ZFAT: variants seen among roughly 807,000 people sequenced by gnomAD.
ZFAT encodes the protein zinc finger protein ZFAT.
ZFAT carries 64 observed loss-of-function variants against 117.7 expected under a neutral mutation model. The observed-to-expected ratio is 0.54, with a 90% CI of 0.44 to 0.67. The LOEUF (loss-of-function observed/expected upper bound fraction) is 0.67. Ranked by LOEUF, ZFAT falls within the 30% of genes least tolerant of loss-of-function variation. The probability of loss-of-function intolerance (pLI) is 0.00; values close to 1 mark genes in which losing one functional copy is unlikely to be tolerated. For synonymous variants in ZFAT, 679 were observed against 615.0 expected, an observed-to-expected ratio of 1.10 and a Z score of -1.54; for missense variants, 1,433 against 1,584.5, an observed-to-expected ratio of 0.90 and a Z score of 1.62.
At chr8:134,691,313 T>C (rs972240481) in intron 1 of ZFAT, among the ~76,000 whole-genome samples, 9 of 148,974 alleles carry the variant, frequency 6.0e-5, no homozygotes, top group Non-Finnish European at 1.3e-4. Flanking sequence ...CCTGCAGGCC[T>C]GGCATCCTGG....
At chr8:134,808,274 T>G in the ZFAT span, among the ~76,000 whole-genome samples, 27 of 152,282 alleles carry the variant, frequency 1.8e-4, no homozygotes, top group African/African-American at 6.5e-4. Flanking sequence ...GGAGGGCCTG[T>G]TCTGTGATTA....
intron 13 of ZFAT, among the ~76,000 whole-genome samples, chr8:134,514,606 A>C (rs1240175873): frequency 1.3e-5 from 2 of 152,196 alleles, no homozygotes; most frequent in African/African-American, 4.8e-5. Flanking sequence ...CAGAACACTG[A>C]GCCATGAGGG....
intron 1 of ZFAT, among the ~76,000 whole-genome samples, chr8:134,670,798 C>G (rs919237704): frequency 6.6e-6 from 1 of 152,124 alleles, no homozygotes; most frequent in South Asian, 2.1e-4. Flanking sequence ...CCTTCAAAAA[C>G]TCAATGAATC....
chr8:134,831,027 T>A, the ZFAT span, among the ~76,000 whole-genome samples: 1 of 152,218 alleles, frequency 6.6e-6, no homozygotes, highest in South Asian at 2.1e-4. Flanking sequence ...TCCAAACTGG[T>A]GGGTGGCACC....
intron 10 of ZFAT, among the ~76,000 whole-genome samples, chr8:134,582,236 A>G (rs1285645800): frequency 6.6e-6 from 1 of 152,204 alleles, no homozygotes; most frequent in African/African-American, 2.4e-5. Flanking sequence ...CCAGGGCCTG[A>G]CAAATTAAAT....
intron 9 of ZFAT, among the ~76,000 whole-genome samples, chr8:134,585,209 C>T (rs909350370): frequency 7.2e-5 from 11 of 152,272 alleles, no homozygotes; most frequent in Non-Finnish European, 2.9e-5. Flanking sequence ...AGCAGGGCCA[C>T]AGCTGTGGTG....
chr8:134,667,054 C>T (rs1365543255), intron 1 of ZFAT, among the ~76,000 whole-genome samples: 2 of 152,098 alleles, frequency 1.3e-5, no homozygotes, highest in Non-Finnish European at 2.9e-5. Context: ...CCAAATACCA[C>T]GTTCTCACTC....
At chr8:134,518,469 T>C (rs1563800578) in intron 13 of ZFAT, among the ~76,000 whole-genome samples, 1 of 152,220 alleles carries the variant, frequency 6.6e-6, no homozygotes, top group Non-Finnish European at 1.5e-5. Context: ...GTCAAGCTAG[T>C]AGGTGAGAAA....
intron 1 of ZFAT, chr8:134,673,255 A>C (rs1832643474): frequency 6.6e-6 from 1 of 152,330 alleles, no homozygotes; most frequent in East Asian, 1.9e-4. Context: ...AGTAAATCAG[A>C]GATGACTTGC....
At chr8:134,572,799 T>TG (rs1211837428) in intron 10 of ZFAT, among the ~76,000 whole-genome samples, 1 of 138,664 alleles carries the variant, frequency 7.2e-6, no homozygotes, top group African/African-American at 3.1e-5. Context: ...ATTGCCACGG[T>TG]GGGGAAAAAA....
intron 3 of ZFAT, among the ~76,000 whole-genome samples, chr8:134,631,636 C>T (rs1586852287): frequency 1.3e-5 from 2 of 152,340 alleles, no homozygotes; most frequent in East Asian, 3.9e-4. Flanking sequence ...AACAGGCTGG[C>T]AGCTGCTAGG....
At chr8:134,606,538 A>G (rs1484362610) in intron 5 of ZFAT, among the ~76,000 whole-genome samples, 1 of 152,136 alleles carries the variant, frequency 6.6e-6, no homozygotes, top group East Asian at 1.9e-4. Flanking sequence ...AACATAGTGA[A>G]ACCCCAACTC....
chr8:134,511,909 C>G (rs1484476461), intron 14 of ZFAT, among the ~76,000 whole-genome samples: 1 of 152,150 alleles, frequency 6.6e-6, no homozygotes, highest in Non-Finnish European at 1.5e-5. Context: ...AAAGTGACCC[C>G]CTGCACGCCA....
At chr8:134,712,790 G>GCCGCGCCGCGCC (rs1358264536) in intron 1 of ZFAT, 55 bp downstream of exon 1, 1 of 1,382,270 alleles carries the variant, frequency 7.2e-7, no homozygotes, top group Non-Finnish European at 9.7e-7. Flanking sequence ...CTTTCCGCGC[G>GCCGCGCCGCGCC]CCGCGCCGCG....
intron 1 of ZFAT, among the ~76,000 whole-genome samples, chr8:134,669,519 G>A (rs1365618736): frequency 6.6e-6 from 1 of 152,088 alleles, no homozygotes; most frequent in East Asian, 1.9e-4. Flanking sequence ...ATAAGTGAAG[G>A]AGAAATAAAA....
the ZFAT span, among the ~76,000 whole-genome samples, chr8:134,802,269 TG>T: frequency 6.6e-6 from 1 of 152,104 alleles, no homozygotes; most frequent in Non-Finnish European, 1.5e-5. Context: ...AAGCCCAAAC[TG>T]ATATTCAAAC....
At chr8:134,542,424 A>G (rs1037300006) in intron 11 of ZFAT, among the ~76,000 whole-genome samples, 2 of 152,234 alleles carry the variant, frequency 1.3e-5, no homozygotes, top group Non-Finnish European at 2.9e-5. Context: ...ATAATACCAA[A>G]CAGGTAGTTT....
the ZFAT span, among the ~76,000 whole-genome samples, chr8:134,806,713 C>T: frequency 6.6e-6 from 1 of 152,208 alleles, no homozygotes; most frequent in East Asian, 1.9e-4. Flanking sequence ...ATATTTTCTT[C>T]AGAGTTATGA....
chr8:134,537,530 A>C (rs1004292288), intron 11 of ZFAT, among the ~76,000 whole-genome samples: 1 of 152,154 alleles, frequency 6.6e-6, no homozygotes, highest in African/African-American at 2.4e-5. Context: ...TTGGCAGGGG[A>C]GAAGACGAGG....
Sources: gnomAD v4.1 joint callset for allele counts (sites outside exome capture counted in the v4.1 genomes callset) on GRCh38, gnomAD v4.1.1 for gene constraint, MANE v1.5 for transcripts, NCBI Gene and HGNC (gene_info 2026-07-23, HGNC 2026-07-21) for gene names.